The following CERKL variants were observed in gnomAD, a reference collection of about 807,000 sequenced individuals.
CERKL encodes the protein CERK like autophagy regulator.
Under a neutral mutation model 63.4 loss-of-function variants are expected in CERKL, and 61 were observed. The ratio of observed to expected loss-of-function variants is 0.96; its 90% confidence interval spans 0.78 to 1.19. The LOEUF (loss-of-function observed/expected upper bound fraction) is 1.19, where lower values mean the gene tolerates loss of function less well. Ranked by LOEUF, CERKL falls within the 50% of genes most tolerant of loss-of-function variation. The probability of loss-of-function intolerance (pLI) is 0.00; values close to 1 mark genes in which losing one functional copy is unlikely to be tolerated. For missense variants in CERKL, 675 were observed against 655.5 expected (o/e 1.03, Z -0.33); for synonymous variants, 250 against 230.5 (o/e 1.08, Z -0.77).
intron 2 of CERKL, among the ~76,000 whole-genome samples, chr2:181,590,437 G>T (rs1684945948): frequency 6.6e-6 from 1 of 151,756 alleles, no homozygotes; most frequent in Non-Finnish European, 1.5e-5. Flanking sequence ...ACTGCACCTG[G>T]GCCCATAAAA....
At chr2:181,547,891 G>C (rs372111150) in intron 8 of CERKL, 44 bp from the exon 9 acceptor site, 11 of 1,120,920 alleles carry the variant, frequency 9.8e-6, no homozygotes, top group Non-Finnish European at 1.3e-5. Flanking sequence ...CAGATAACGC[G>C]CGCACAGACA....
chr2:181,562,114 T>A (rs189392657), intron 4 of CERKL, among the ~76,000 whole-genome samples: 21 of 152,054 alleles, frequency 1.4e-4, no homozygotes, highest in African/African-American at 4.8e-4. Context: ...GCTAAGCCAC[T>A]GCACCCAGCC....
At chr2:181,612,450 T>C (rs567383445) in intron 1 of CERKL, among the ~76,000 whole-genome samples, 12 of 152,282 alleles carry the variant, frequency 7.9e-5, no homozygotes, top group Non-Finnish European at 5.9e-5. Context: ...ATGATTTTTT[T>C]ACTATAGCTA....
chr2:181,588,127 T>A (rs573522990), intron 2 of CERKL, among the ~76,000 whole-genome samples: 2 of 152,214 alleles, frequency 1.3e-5, no homozygotes, highest in African/African-American at 4.8e-5. Flanking sequence ...GAACAGAAAA[T>A]CTACTCTTAA....
In CERKL at chr2:181,537,711, T is replaced by TTTTTTTGTGTGTCCAATAAACACA. The variant is rs1390746599; in HGVS notation, c.*449_*472dup. 6.1e-6 allele frequency: 2 copies of TTTTTTTGTGTGTCCAATAAACACA among 330,102 alleles called. No individual in the cohort carries two copies. The highest frequency in any genetic ancestry group is 1.2e-5 in the Non-Finnish European group (2 of 170,300). The allele number at this position is 330,102 out of a possible 1,614,324, so 20.4% of individuals were successfully genotyped here. A position where few individuals can be genotyped will look rare whatever the true frequency, so the allele number is the denominator to read the frequency against. On this transcript the variant is annotated 3_prime_UTR_variant, in exon 13 of 13. Coordinates refer to ENST00000410087, the MANE Select transcript of CERKL (RefSeq NM_201548.5). The stretch of plus-strand genomic sequence containing the variant: ...TTGATGTATTATGATGGTTGCAAAG[T>TTTTTTTGTGTGTCCAATAAACACA]TTTTTTGTGTGTCCAATAAACACAT...
intron 1 of CERKL, chr2:181,650,056 G>C (rs896835171): frequency 7.3e-6 from 1 of 136,776 alleles, no homozygotes; most frequent in African/African-American, 2.6e-5. Flanking sequence ...CTGCACTTGG[G>C]CCTGGGAGAC....
At chr2:181,540,955 C>G (rs1687479716) in intron 11 of CERKL, among the ~76,000 whole-genome samples, 1 of 152,154 alleles carries the variant, frequency 6.6e-6, no homozygotes, top group African/African-American at 2.4e-5. Context: ...AGAAGAAAGT[C>G]TGGAGAGAGG....
intron 11 of CERKL, among the ~76,000 whole-genome samples, chr2:181,541,478 G>A (rs983837033): frequency 6.6e-6 from 1 of 152,178 alleles, no homozygotes; most frequent in Non-Finnish European, 1.5e-5. Context: ...ATAAGAGGTG[G>A]GGTTGCAACA....
intron 1 of CERKL, among the ~76,000 whole-genome samples, chr2:181,642,119 C>T (rs1480059183): frequency 1.3e-5 from 2 of 152,186 alleles, no homozygotes; most frequent in African/African-American, 4.8e-5. Flanking sequence ...AGAAACAGAA[C>T]TAAATTTTTT....
chr2:181,565,949 AT>A (rs1401498720), intron 4 of CERKL, 108 bp downstream of exon 4: 11 of 746,914 alleles, frequency 1.5e-5, no homozygotes, highest in East Asian at 2.7e-5. Context: ...GCCAAAGTAC[AT>A]ACACTACAAA....
At chr2:181,599,984 T>G (rs960850692) in intron 2 of CERKL, among the ~76,000 whole-genome samples, 1 of 152,070 alleles carries the variant, frequency 6.6e-6, no homozygotes, top group Non-Finnish European at 1.5e-5. Context: ...GGAAATCCAA[T>G]CAGACTAATA....
chr2:181,627,748 C>G (rs1292486868), intron 1 of CERKL, among the ~76,000 whole-genome samples: 1 of 152,160 alleles, frequency 6.6e-6, no homozygotes, highest in Admixed American at 6.5e-5. Flanking sequence ...GGAAAACATT[C>G]CCACACCCCA....
At chr2:181,645,511 T>G (rs1209820926) in intron 1 of CERKL, among the ~76,000 whole-genome samples, 1 of 152,238 alleles carries the variant, frequency 6.6e-6, no homozygotes, top group Non-Finnish European at 1.5e-5. Flanking sequence ...CCTTGCCCTC[T>G]GGCTTAAAGT....
intron 1 of CERKL, among the ~76,000 whole-genome samples, chr2:181,645,706 A>C (rs1687641668): frequency 6.6e-6 from 1 of 152,246 alleles, no homozygotes; most frequent in South Asian, 2.1e-4. Context: ...TTTTGGGCTT[A>C]AAAATGGTAT....
At position 181,603,829 on chromosome 2, in the gene CERKL, G is replaced by A; in HGVS notation, c.481+8C>T. ...GGCTGATTAAAATTTCCCATGAGGA[G>A]TACTTACCTGCCAATATTTTCTTGA... On this transcript the variant is annotated splice_region_variant and intron_variant, in intron 2 of 12. Transcript: ENST00000410087. 1.2e-6 allele frequency: 2 copies of A among 1,612,872 alleles called. No individual in the cohort carries two copies. Among genetic ancestry groups the A allele is most frequent in the Non-Finnish European group, 8.5e-7 (1 of 1,179,242 alleles).
At chr2:181,634,605 G>T (rs565131265) in intron 1 of CERKL, among the ~76,000 whole-genome samples, 1 of 151,992 alleles carries the variant, frequency 6.6e-6, no homozygotes. Context: ...CTTATAAAGG[G>T]ACTTACCAAA....
At chr2:181,549,476 T>C (rs910868727) in intron 6 of CERKL, among the ~76,000 whole-genome samples, 158 bp downstream of exon 6, 15 of 152,228 alleles carry the variant, frequency 9.9e-5, no homozygotes, top group African/African-American at 3.6e-4. Context: ...GCAATCCACA[T>C]AGTAAAGCAT....
rs1559062239 is a variant in CERKL at position 181,536,839 on chromosome 2, C to CTTCATAATTATCTGACTCTGT, written c.*1344_*1345insACAGAGTCAGATAATTATGAA. On this transcript the variant is annotated 3_prime_UTR_variant, in exon 13 of 13. Transcript: ENST00000410087. ...CAGAATATCATTTTATCTGACTCTG[C>CTTCATAATTATCTGACTCTGT]CTTCATAAGAGAGCTGTGGCCGAAT... The CTTCATAATTATCTGACTCTGT allele has an allele frequency of 5.1e-6, 2 of 388,378 alleles. No homozygotes were observed. Among genetic ancestry groups the CTTCATAATTATCTGACTCTGT allele is most frequent in the African/African-American group, 4.2e-5 (2 of 48,126 alleles). The allele number at this position is 388,378 out of a possible 1,614,324, so 24.1% of individuals were successfully genotyped here.
At chr2:181,585,151 T>C (rs1245493639) in intron 2 of CERKL, among the ~76,000 whole-genome samples, 1 of 152,080 alleles carries the variant, frequency 6.6e-6, no homozygotes, top group Non-Finnish European at 1.5e-5. Flanking sequence ...TCACTTGACA[T>C]AATAGAAATA....
Sources: allele counts gnomAD v4.1 joint callset (sites outside exome capture counted in the v4.1 genomes callset), GRCh38; gene constraint gnomAD v4.1.1; transcripts MANE v1.5; gene names NCBI Gene and HGNC (gene_info 2026-07-23, HGNC 2026-07-21).